MARS1: variants seen among roughly 807,000 people sequenced by gnomAD.
The protein encoded by MARS1 is methionine--tRNA ligase, cytoplasmic.
Under a neutral mutation model 119.5 loss-of-function variants are expected in MARS1, and 80 were observed. The ratio of observed to expected loss-of-function variants is 0.67; its 90% CI spans 0.56 to 0.81. The LOEUF is 0.81. Ranked by LOEUF, MARS1 falls within the 30% of genes least tolerant of loss-of-function variation. The pLI, the probability that MARS1 is intolerant of heterozygous loss-of-function variation, is 0.00. For missense variants in MARS1, 945 were observed against 1,116.5 expected, an observed-to-expected ratio of 0.85 and a Z score of 2.19; for synonymous variants, 418 against 433.4, an observed-to-expected ratio of 0.96 and a Z score of 0.44.
chr12:57,515,838 TG>T (rs1256841714), intron 18 of MARS1, 81 bp from the exon 19 acceptor site: 56 of 976,420 alleles, frequency 5.7e-5, no homozygotes, highest in Non-Finnish European at 8.2e-5. Context: ...CATCAGAGAT[TG>T]GGGTTGGAGA....
rs1876924621 is a variant in MARS1 at position 57,501,724 on chromosome 12, A to C, written c.1293+1202A>C. ...GTAATCCCCGCTTCTTGGGAGGCTGAAGCTTGAGAATCACTTGAACCTGGG... is the reference window on the plus strand; with the variant it reads ...GTAATCCCCGCTTCTTGGGAGGCTGCAGCTTGAGAATCACTTGAACCTGGG... On this transcript the variant is annotated intron_variant, in intron 10 of 20. Coordinates refer to ENST00000262027, the MANE Select transcript of MARS1 (RefSeq NM_004990.4). 3.3e-5 allele frequency among the ~76,000 whole-genome samples: 5 copies of C among 152,142 alleles called. No homozygotes were observed. The South Asian group carries it at 1.0e-3, about 32-fold the overall frequency.
At chr12:57,503,233 C>CTTTTTTT (rs777768874) in intron 10 of MARS1, among the ~76,000 whole-genome samples, 3 of 136,102 alleles carry the variant, frequency 2.2e-5, no homozygotes, top group Non-Finnish European at 3.2e-5. Flanking sequence ...GCACTTGTTT[C>CTTTTTTT]TTTTTTTTTT....
At chr12:57,506,614 A>G (rs1032154224) in intron 11 of MARS1, among the ~76,000 whole-genome samples, 5 of 152,116 alleles carry the variant, frequency 3.3e-5, no homozygotes, top group African/African-American at 7.2e-5. Flanking sequence ...GTGTTATTCA[A>G]TTTGTTCACT....
chr12:57,488,150 G>C lies in MARS1; in HGVS notation c.60G>C (p.Gly20=), dbSNP rs778160248. ...GCTTGCCGGTGCTGGCCGCCGCCGGGAGAGCCCGGGGCAGAGCAGAGGTGC... is the reference window on the plus strand; with the variant it reads ...GCTTGCCGGTGCTGGCCGCCGCCGGCAGAGCCCGGGGCAGAGCAGAGGTGC... ...PGCLPVLAAA[G]RARGRAEVLI... The change falls in exon 1 of 21, where the codon GGG becomes GGC. Residue 20 remains glycine, a synonymous_variant. Coordinates refer to ENST00000262027, the MANE Select transcript of MARS1 (RefSeq NM_004990.4). 1 of 1,614,168 alleles carries C rather than the reference G, an allele frequency of 6.2e-7. No homozygotes were observed. The highest frequency in any genetic ancestry group is 2.2e-5 in the East Asian group (1 of 44,884).
At chr12:57,514,605 A>G (rs1877684659) in intron 15 of MARS1, 115 bp from the exon 16 acceptor site, 4 of 1,324,680 alleles carry the variant, frequency 3.0e-6, no homozygotes, top group Non-Finnish European at 3.2e-6. Flanking sequence ...TACCTGTTCC[A>G]GGCAGGAATC....
At chr12:57,495,796 G>A (rs1876592645) in intron 7 of MARS1, among the ~76,000 whole-genome samples, 1 of 152,216 alleles carries the variant, frequency 6.6e-6, no homozygotes, top group Non-Finnish European at 1.5e-5. Context: ...GTCAGGAGCT[G>A]GAGACCAGCC....
At chr12:57,489,142 T>C (rs1446769095) in intron 2 of MARS1, 33 bp downstream of exon 2, 22 of 1,607,498 alleles carry the variant, frequency 1.4e-5, no homozygotes, top group Non-Finnish European at 1.8e-5. Flanking sequence ...GGGAGGTGGC[T>C]GAATCAAATC....
intron 9 of MARS1, among the ~76,000 whole-genome samples, chr12:57,498,930 TC>T (rs1449155472): frequency 6.6e-6 from 1 of 152,094 alleles, no homozygotes; most frequent in Non-Finnish European, 1.5e-5. Context: ...TTCTTCCCAC[TC>T]CTGTATGCAT....
intron 10 of MARS1, among the ~76,000 whole-genome samples, chr12:57,501,294 C>T (rs1352707619): frequency 6.6e-6 from 1 of 152,228 alleles, no homozygotes; most frequent in Non-Finnish European, 1.5e-5. Flanking sequence ...GGCCAGATCA[C>T]CAGGGCCTGT....
In MARS1 at chr12:57,512,794, T is replaced by C. The variant is rs370662519; in HGVS notation, c.1797T>C (p.Gly599=). 31 of 1,614,148 alleles carry C rather than the reference T, an allele frequency of 1.9e-5. 1 individual carries two copies. In the African/African-American group the frequency reaches 3.3e-4, roughly 17 times the overall value. Residue 599 remains glycine, a synonymous_variant, in exon 15 of 21, where the codon GGT becomes GGC. Transcript: ENST00000262027. Reference sequence around the variant, plus strand: ...ATGGGAAATTCTCTAAGAGCCGCGGTGTGGGAGTGTTTGGGGACATGGCCC... The same window carrying C: ...ATGGGAAATTCTCTAAGAGCCGCGGCGTGGGAGTGTTTGGGGACATGGCCC... The part of the protein sequence containing the change: ...YEDGKFSKSR[G]VGVFGDMAQD...
At chr12:57,489,141 C>T (rs1037105550) in intron 2 of MARS1, 32 bp downstream of exon 2, 22 of 1,607,216 alleles carry the variant, frequency 1.4e-5, no homozygotes, top group Non-Finnish European at 2.6e-6. Context: ...AGGGAGGTGG[C>T]TGAATCAAAT....
intron 7 of MARS1, 40 bp from the exon 8 acceptor site, chr12:57,498,117 C>A: frequency 7.4e-7 from 1 of 1,346,292 alleles, no homozygotes; most frequent in Non-Finnish European, 1.1e-6. Flanking sequence ...TTGACCCTCA[C>A]ATCCCCCCAT....
At chr12:57,492,731 G>C (rs1384064989) in intron 7 of MARS1, among the ~76,000 whole-genome samples, 1 of 150,814 alleles carries the variant, frequency 6.6e-6, no homozygotes, top group Non-Finnish European at 1.5e-5. Context: ...AAACAAATTT[G>C]AGACTTGCAA....
At chr12:57,500,242 C>A in intron 9 of MARS1, 79 bp from the exon 10 acceptor site, 1 of 1,170,366 alleles carries the variant, frequency 8.5e-7, no homozygotes, top group Non-Finnish European at 1.3e-6. Context: ...GAGTTTGGGT[C>A]CCTGGTTGGA....
rs371683931 is a variant in MARS1 at position 57,512,995 on chromosome 12, G to A, written c.1967+31G>A. 29 of 1,574,260 alleles carry A rather than the reference G, an allele frequency of 1.8e-5. No homozygotes were observed. The Middle Eastern group carries it at 1.5e-3, about 82-fold the overall frequency. ...ACTTGGTAAGGGGTCAGAGTTAGCA[G>A]TGAGCTGGGGTGGGGCTCATTTTCC... On this transcript the variant is annotated intron_variant, in intron 15 of 20. Transcript: ENST00000262027.
rs1876297379 is a variant in MARS1 at position 57,493,692 on chromosome 12, AT to A, written c.770+3050del. Among the ~76,000 whole-genome samples the A allele has an allele frequency of 1.1e-4, 2 of 17,680 alleles. 1 individual carries two copies. The highest frequency in any genetic ancestry group is 9.3e-4 in the African/African-American group (2 of 2,142). 11.6% of individuals were successfully genotyped at this position (17,680 alleles called of 152,430 possible). Reference sequence around the variant, plus strand: ...ATTATATATATTATATATAATATATATTATATATTATAATATATTATATATT... The same window carrying A: ...ATTATATATATTATATATAATATATATATATATTATAATATATTATATATT... On this transcript the variant is annotated intron_variant, in intron 7 of 20. Coordinates refer to ENST00000262027, the MANE Select transcript of MARS1 (RefSeq NM_004990.4).
At chr12:57,494,900 T>C (rs1565642124) in intron 7 of MARS1, among the ~76,000 whole-genome samples, 1 of 152,232 alleles carries the variant, frequency 6.6e-6, no homozygotes, top group Non-Finnish European at 1.5e-5. Flanking sequence ...CTCCTATGTC[T>C]ACTTCTTTCC....
At chr12:57,510,334 TG>T (rs2140032075) in intron 11 of MARS1, among the ~76,000 whole-genome samples, 1 of 152,164 alleles carries the variant, frequency 6.6e-6, no homozygotes, top group East Asian at 1.9e-4. Flanking sequence ...TAGCCAGGCG[TG>T]GTGGCACCGA....
At chr12:57,489,757 G>A (rs1019875151) in intron 4 of MARS1, 139 bp from the exon 5 acceptor site, 7 of 1,071,964 alleles carry the variant, frequency 6.5e-6, no homozygotes, top group Non-Finnish European at 9.9e-6. Context: ...GTGAGTTATT[G>A]TGAGGATTAA....
Sources: allele counts gnomAD v4.1 joint callset (sites outside exome capture counted in the v4.1 genomes callset), GRCh38; gene constraint gnomAD v4.1.1; transcripts MANE v1.5; gene names NCBI Gene and HGNC (gene_info 2026-07-23, HGNC 2026-07-21).